Variants in KCNT2 observed in about 807,000 individuals in gnomAD.
KCNT2 encodes potassium sodium-activated channel subfamily T member 2.
In KCNT2, 67 loss-of-function variants were observed where a neutral mutation model predicts 153.8. The ratio of observed to expected loss-of-function variants is 0.44; its 90% confidence interval spans 0.36 to 0.53. KCNT2 has a LOEUF of 0.53. Ranked by LOEUF, KCNT2 falls within the 20% of genes least tolerant of loss-of-function variation. The pLI is 0.00. For missense variants in KCNT2, 975 were observed against 1,354.8 expected, an observed-to-expected ratio of 0.72 and a Z score of 4.40; for synonymous variants, 500 against 458.8, an observed-to-expected ratio of 1.09 and a Z score of -1.15.
At chr1:196,504,206 G>A (rs1680931375) in intron 1 of KCNT2, among the ~76,000 whole-genome samples, 1 of 151,532 alleles carries the variant, frequency 6.6e-6, no homozygotes, top group Non-Finnish European at 1.5e-5. Context: ...CTAGCATTAG[G>A]TATATCTCCT....
Position 196,372,669 on chromosome 1 carries a change from T to G in KCNT2, c.1403+471A>C, listed in dbSNP as rs181210125. 1.2e-3 allele frequency among the ~76,000 whole-genome samples: 190 copies of G among 152,052 alleles called. 1 individual carries two copies. The highest frequency in any genetic ancestry group is 1.2e-3 in the Non-Finnish European group (83 of 67,866). The stretch of plus-strand genomic sequence containing the variant: ...ATTAGCTAATTTTATACAACTACTT[T>G]GTTATTATTCTATTATAAAATTGCC... On this transcript the variant is annotated intron_variant, in intron 14 of 27. Coordinates refer to ENST00000294725, the MANE Select transcript of KCNT2 (RefSeq NM_198503.5).
Position 196,276,086 on chromosome 1 carries a change from A to T in KCNT2, c.2910+4774T>A, listed in dbSNP as rs1658540510. Reference sequence around the variant, plus strand: ...ATAGAATATGCCTGATTATTATTTCATGTTTTTTTCAGTTTCTGCTTTTAT... The same window carrying T: ...ATAGAATATGCCTGATTATTATTTCTTGTTTTTTTCAGTTTCTGCTTTTAT... On this transcript the variant is annotated intron_variant, in intron 25 of 27. Transcript: ENST00000294725. 2.6e-5 allele frequency among the ~76,000 whole-genome samples: 4 copies of T among 151,722 alleles called. No homozygotes were observed. In the South Asian group the frequency reaches 8.3e-4, roughly 31 times the overall value.
chr1:196,285,735 G>A lies in KCNT2; in HGVS notation c.2619C>T (p.Asn873=). The A allele has an allele frequency of 6.2e-7, 1 of 1,612,474 alleles. No homozygotes were observed. The highest frequency in any genetic ancestry group is 1.1e-5 in the South Asian group (1 of 91,030). ...LEKKERERGS[N]LAFMFRLPFA... ...AAGGCAGTCGAAACATAAAGGCCAA[G>A]TTAGAGCCTCTCTCCCGTTCTTTCT... Residue 873 remains asparagine, a synonymous_variant, in exon 23 of 28, where the codon AAC becomes AAT. Transcript: ENST00000294725.
intron 1 of KCNT2, among the ~76,000 whole-genome samples, chr1:196,565,592 C>CATAT (rs138353023): frequency 0.01 from 1,500 of 145,196 alleles, 6 homozygotes; most frequent in Non-Finnish European, 0.014. Flanking sequence ...AATCATTATA[C>CATAT]ATATATATAT....
At chr1:196,331,535 A>G (rs773162226) in intron 17 of KCNT2, among the ~76,000 whole-genome samples, 5 of 152,182 alleles carry the variant, frequency 3.3e-5, no homozygotes, top group Non-Finnish European at 4.4e-5. Context: ...AATTATACGA[A>G]GTTCAAATTT....
At chr1:196,436,816 A>G (rs1051239983) in intron 8 of KCNT2, among the ~76,000 whole-genome samples, 1 of 150,222 alleles carries the variant, frequency 6.7e-6, no homozygotes, top group African/African-American at 2.4e-5. Flanking sequence ...TTATCATAAA[A>G]GAAATGCATC....
intron 12 of KCNT2, among the ~76,000 whole-genome samples, chr1:196,419,517 C>T (rs1021717443): frequency 6.6e-6 from 1 of 151,572 alleles, no homozygotes; most frequent in Non-Finnish European, 1.5e-5. Flanking sequence ...ATGAACTCAT[C>T]ATTCTTTATG....
At chr1:196,385,169 C>T (rs755266531) in intron 13 of KCNT2, among the ~76,000 whole-genome samples, 20 of 152,152 alleles carry the variant, frequency 1.3e-4, no homozygotes, top group Non-Finnish European at 1.9e-4. Context: ...CCTTCTTCAA[C>T]ATCACCAACT....
chr1:196,559,012 C>A (rs1659047742), intron 1 of KCNT2, among the ~76,000 whole-genome samples: 2 of 150,906 alleles, frequency 1.3e-5, no homozygotes, highest in African/African-American at 4.9e-5. Context: ...AAAGTCACAC[C>A]TAAATTTGTT....
intron 21 of KCNT2, among the ~76,000 whole-genome samples, chr1:196,312,704 A>C (rs532700355): frequency 6.6e-6 from 1 of 151,942 alleles, no homozygotes; most frequent in African/African-American, 2.4e-5. Flanking sequence ...TCAACGAATT[A>C]GAAATTGGCT....
intron 1 of KCNT2, among the ~76,000 whole-genome samples, chr1:196,496,615 A>T (rs1030674488): frequency 6.6e-6 from 1 of 152,236 alleles, no homozygotes; most frequent in African/African-American, 2.4e-5. Context: ...TAAATGTCGA[A>T]ATAAATATGA....
At chr1:196,388,104 G>A (rs1670155416) in intron 13 of KCNT2, among the ~76,000 whole-genome samples, 1 of 151,492 alleles carries the variant, frequency 6.6e-6, no homozygotes, top group South Asian at 2.1e-4. Flanking sequence ...TGTGGTGTGA[G>A]GTAAGGCTCA....
At chr1:196,302,978 G>GA (rs1224721703) in intron 22 of KCNT2, among the ~76,000 whole-genome samples, 1 of 148,436 alleles carries the variant, frequency 6.7e-6, no homozygotes, top group Non-Finnish European at 1.5e-5. Context: ...TTCTTCATGG[G>GA]AAAAATCTAA....
chr1:196,230,430 T>A (rs1291537667), intron 27 of KCNT2, among the ~76,000 whole-genome samples: 1 of 152,054 alleles, frequency 6.6e-6, no homozygotes, highest in Non-Finnish European at 1.5e-5. Context: ...ATAAGGCACC[T>A]GGTCACCCAA....
intron 18 of KCNT2, among the ~76,000 whole-genome samples, chr1:196,330,639 T>C (rs535026513): frequency 1.3e-5 from 2 of 152,090 alleles, no homozygotes; most frequent in Admixed American, 1.3e-4. Context: ...AGAATTTTTA[T>C]CTTTTGGACA....
At chr1:196,544,929 G>C (rs1488201334) in intron 1 of KCNT2, among the ~76,000 whole-genome samples, 1 of 151,038 alleles carries the variant, frequency 6.6e-6, no homozygotes, top group Non-Finnish European at 1.5e-5. Flanking sequence ...TTGAAATAAT[G>C]ACTGCTTTCA....
At chr1:196,558,276 A>G (rs906239662) in intron 1 of KCNT2, among the ~76,000 whole-genome samples, 2 of 151,502 alleles carry the variant, frequency 1.3e-5, no homozygotes, top group African/African-American at 2.4e-5. Context: ...CATAAATGGA[A>G]AGTAGAATCA....
chr1:196,292,339 G>A (rs78876426), intron 22 of KCNT2, among the ~76,000 whole-genome samples: 7,531 of 152,214 alleles, frequency 0.049, 281 homozygotes, highest in Non-Finnish European at 0.071. Flanking sequence ...TATACGCCAT[G>A]TATAAAAACT....
At chr1:196,531,982 C>T (rs1362215247) in intron 1 of KCNT2, among the ~76,000 whole-genome samples, 1 of 151,904 alleles carries the variant, frequency 6.6e-6, no homozygotes, top group Non-Finnish European at 1.5e-5. Flanking sequence ...TACCAAAACA[C>T]ACAAATTTGT....
Sources: gnomAD v4.1 joint callset for allele counts (sites outside exome capture counted in the v4.1 genomes callset) on GRCh38, gnomAD v4.1.1 for gene constraint, MANE v1.5 for transcripts, NCBI Gene and HGNC (gene_info 2026-07-23, HGNC 2026-07-21) for gene names.